The following TMEM150C variants were observed in gnomAD, a reference collection of about 807,000 sequenced individuals.
TMEM150C encodes the protein transmembrane protein 150C.
A neutral mutation model predicts 29.9 loss-of-function variants in TMEM150C; 10 were observed. The ratio of observed to expected loss-of-function variants is 0.33; its 90% CI spans 0.21 to 0.57. The LOEUF (loss-of-function observed/expected upper bound fraction) is 0.57. Ranked by LOEUF, TMEM150C falls within the 20% of genes least tolerant of loss-of-function variation. The pLI, the probability that TMEM150C is intolerant of heterozygous loss-of-function variation, is 0.88. For synonymous variants in TMEM150C, 101 were observed against 112.5 expected, an observed-to-expected ratio of 0.90 and a Z score of 0.64; for missense variants, 251 against 303.6, an observed-to-expected ratio of 0.83 and a Z score of 1.29.
rs1723324489 is a variant in TMEM150C at position 82,490,986 on chromosome 4, C to T, written c.364-748G>A. ...AGCTTCCACCCGCTTAGCCAAAGCT[C>T]CTTTGTCTTCCAAGTTAACCTGTGT... On this transcript the variant is annotated intron_variant, in intron 6 of 7. Transcript: ENST00000449862. 1.6e-5 allele frequency: 12 copies of T among 738,428 alleles called. No individual in the cohort carries two copies. In the East Asian group the frequency reaches 2.5e-4, roughly 15 times the overall value. The allele number at this position is 738,428 out of a possible 1,614,324, so 45.7% of individuals were successfully genotyped here.
At chr4:82,504,523 A>C in intron 2 of TMEM150C, 55 bp downstream of exon 2, 2 of 1,490,290 alleles carry the variant, frequency 1.3e-6, no homozygotes, top group South Asian at 2.3e-5. Flanking sequence ...TAAGGTTTAC[A>C]TTTGTATCTA....
intron 1 of TMEM150C, among the ~76,000 whole-genome samples, chr4:82,531,310 G>A (rs1724837656): frequency 6.6e-6 from 1 of 152,224 alleles, no homozygotes; most frequent in Non-Finnish European, 1.5e-5. Flanking sequence ...AGAGGTTAAA[G>A]ACAGGTTTGG....
At chr4:82,550,629 G>C (rs1385786522) in intron 1 of TMEM150C, among the ~76,000 whole-genome samples, 3 of 151,836 alleles carry the variant, frequency 2.0e-5, no homozygotes, top group Admixed American at 2.0e-4. Flanking sequence ...TCTACTAAAA[G>C]TACAAAAAAA....
At chr4:82,506,317 C>G (rs948899216) in intron 1 of TMEM150C, among the ~76,000 whole-genome samples, 1 of 152,170 alleles carries the variant, frequency 6.6e-6, no homozygotes, top group African/African-American at 2.4e-5. Context: ...TACCTGATTA[C>G]GTAGATCTTT....
chr4:82,537,904 G>A (rs542547783), intron 1 of TMEM150C, among the ~76,000 whole-genome samples: 5 of 152,124 alleles, frequency 3.3e-5, no homozygotes, highest in African/African-American at 1.2e-4. Flanking sequence ...TTGGATTTCC[G>A]GCCTCCAGGA....
chr4:82,528,259 C>CA (rs1175753796), intron 1 of TMEM150C, among the ~76,000 whole-genome samples: 4 of 152,220 alleles, frequency 2.6e-5, no homozygotes, highest in Non-Finnish European at 5.9e-5. Context: ...AGTGCAGGGG[C>CA]TCTCGAACTT....
In TMEM150C at chr4:82,485,539, G is replaced by A. The variant is rs1230757162; in HGVS notation, c.722C>T (p.Ala241Val). Residue 241 changes from alanine (A) to valine (V), a missense_variant, in exon 8 of 8, where the codon GCT (alanine) becomes GTT (valine). Ala to Val is a moderately conservative substitution (Grantham distance 64). Transcript: ENST00000449862. ...FLSFSESLSE[A>V]SEYQTDQV ...CACCTGGTCAGTCTGATATTCAGAA[G>A]CTTCTGACAGGCTTTCTGAGAAGCT... 1.2e-6 allele frequency: 2 copies of A among 1,606,424 alleles called. No homozygotes were observed.
chr4:82,514,672 A>G (rs1287712029), intron 1 of TMEM150C, among the ~76,000 whole-genome samples: 1 of 152,162 alleles, frequency 6.6e-6, no homozygotes, highest in African/African-American at 2.4e-5. Context: ...AGCTAGGCAC[A>G]TGGCTGCCCA....
chr4:82,544,268 A>G (rs1408707545), intron 1 of TMEM150C, among the ~76,000 whole-genome samples: 1 of 152,180 alleles, frequency 6.6e-6, no homozygotes, highest in Non-Finnish European at 1.5e-5. Flanking sequence ...CATGACTTGG[A>G]GGGTGATAAT....
chr4:82,504,216 G>A (rs147282619), intron 2 of TMEM150C, among the ~76,000 whole-genome samples: 5 of 151,596 alleles, frequency 3.3e-5, no homozygotes, highest in Middle Eastern at 3.4e-3. Context: ...CTATTTTTTG[G>A]GGGGGTGGGG....
rs62311410 is a variant in TMEM150C, at chr4:82,531,060, G to T, written c.-10-26393C>A. 4.5e-3 allele frequency among the ~76,000 whole-genome samples: 681 copies of T among 152,198 alleles called. 8 individuals carry two copies. The highest frequency in any genetic ancestry group is 6.0e-3 in the South Asian group (29 of 4,818). ...GATTACATTTTGACATGAGATTTGG[G>T]TGGCGACACAGATCCAAACCATATC... On this transcript the variant is annotated intron_variant, in intron 1 of 7. Coordinates refer to ENST00000449862, the MANE Select transcript of TMEM150C (RefSeq NM_001080506.3).
chr4:82,489,162 C>T (rs562915904), intron 7 of TMEM150C, among the ~76,000 whole-genome samples: 161 of 151,554 alleles, frequency 1.1e-3, no homozygotes, highest in African/African-American at 3.6e-3. Context: ...TCTGCCTCCC[C>T]AAGTGTTGAA....
intron 1 of TMEM150C, among the ~76,000 whole-genome samples, chr4:82,515,544 C>T (rs533369164): frequency 6.6e-5 from 10 of 152,022 alleles, no homozygotes; most frequent in Non-Finnish European, 1.3e-4. Context: ...GGAGACCAGC[C>T]TGGCTAACAT....
At chr4:82,509,482 G>A (rs1560486137) in intron 1 of TMEM150C, among the ~76,000 whole-genome samples, 1 of 152,096 alleles carries the variant, frequency 6.6e-6, no homozygotes, top group African/African-American at 2.4e-5. Flanking sequence ...TAGTTGGTTT[G>A]AAAAGGGGGT....
chr4:82,506,907 T>C (rs1419622745), intron 1 of TMEM150C, among the ~76,000 whole-genome samples: 11 of 152,140 alleles, frequency 7.2e-5, no homozygotes, highest in Admixed American at 7.2e-4. Context: ...GGTCCTCAAA[T>C]AGGATGAGTA....
At chr4:82,521,277 AG>A (rs1157048030) in intron 1 of TMEM150C, among the ~76,000 whole-genome samples, 1 of 152,234 alleles carries the variant, frequency 6.6e-6, no homozygotes, top group East Asian at 1.9e-4. Context: ...CCACGAGGGT[AG>A]GGATTTTTAC....
At chr4:82,557,235 A>G (rs571005497) in intron 1 of TMEM150C, among the ~76,000 whole-genome samples, 26 of 152,356 alleles carry the variant, frequency 1.7e-4, no homozygotes, top group African/African-American at 6.0e-4. Context: ...ATGGTAGGTT[A>G]CACCTTAAGT....
intron 1 of TMEM150C, among the ~76,000 whole-genome samples, chr4:82,525,813 C>T (rs562657899): frequency 2.0e-5 from 3 of 152,150 alleles, no homozygotes; most frequent in East Asian, 1.9e-4. Flanking sequence ...GTTGTAAAAC[C>T]GTCCTTGCCC....
intron 1 of TMEM150C, among the ~76,000 whole-genome samples, chr4:82,555,685 G>A (rs1332276037): frequency 1.3e-5 from 2 of 152,194 alleles, no homozygotes; most frequent in Non-Finnish European, 2.9e-5. Context: ...GATGGGAGGT[G>A]AGGTGGTTGA....
Sources: allele counts gnomAD v4.1 joint callset (sites outside exome capture counted in the v4.1 genomes callset), GRCh38; gene constraint gnomAD v4.1.1; transcripts MANE v1.5; gene names NCBI Gene and HGNC (gene_info 2026-07-23, HGNC 2026-07-21).